Variants in MYO3B observed in about 807,000 individuals in gnomAD.
MYO3B encodes myosin IIIB.
In MYO3B, 156 loss-of-function variants were observed where a neutral mutation model predicts 174.6. That is an observed-to-expected ratio of 0.89 (90% CI 0.78 to 1.02). MYO3B has a LOEUF of 1.02. MYO3B is among the 50% of genes least tolerant of loss of function. The probability of loss-of-function intolerance (pLI) is 0.00; values close to 1 mark genes in which losing one functional copy is unlikely to be tolerated. For synonymous variants in MYO3B, 563 were observed against 569.1 expected, an observed-to-expected ratio of 0.99 and a Z score of 0.15; for missense variants, 1,632 against 1,639.4, an observed-to-expected ratio of 1.00 and a Z score of 0.08.
chr2:170,444,431 T>C (rs1232549808), intron 23 of MYO3B, among the ~76,000 whole-genome samples: 2 of 152,208 alleles, frequency 1.3e-5, no homozygotes, highest in East Asian at 3.8e-4. Context: ...AAAGGAGTTA[T>C]TAGAAGGGTT....
chr2:170,217,239 C>T (rs974851161), intron 5 of MYO3B, 80 bp from the exon 6 acceptor site: 3 of 1,259,372 alleles, frequency 2.4e-6, no homozygotes, highest in Non-Finnish European at 3.5e-6. Context: ...CTTATTTGGC[C>T]TTTGTGGAAA....
At chr2:170,383,612 G>A (rs1479157251) in intron 11 of MYO3B, 98 bp from the exon 12 acceptor site, 2 of 892,106 alleles carry the variant, frequency 2.2e-6, no homozygotes, top group Admixed American at 2.0e-5. Flanking sequence ...AATGCAACAA[G>A]TACCCTAATA....
intron 8 of MYO3B, among the ~76,000 whole-genome samples, chr2:170,362,692 A>G (rs1221023263): frequency 6.6e-6 from 1 of 152,122 alleles, no homozygotes; most frequent in African/African-American, 2.4e-5. Flanking sequence ...CCACTTCCCC[A>G]CCCCAAATGT....
At chr2:170,501,744 T>C (rs576013536) in intron 27 of MYO3B, 41 bp from the exon 28 acceptor site, 4 of 1,400,004 alleles carry the variant, frequency 2.9e-6, no homozygotes, top group Non-Finnish European at 4.0e-6. Context: ...GGCACGTTCT[T>C]AAATTAATGT....
At chr2:170,404,048 T>G (rs2094495137) in intron 19 of MYO3B, among the ~76,000 whole-genome samples, 199 bp from the exon 20 acceptor site, 1 of 152,244 alleles carries the variant, frequency 6.6e-6, no homozygotes, top group Non-Finnish European at 1.5e-5. Context: ...GCTGCTGCCA[T>G]AGGCCACTTG....
intron 22 of MYO3B, among the ~76,000 whole-genome samples, chr2:170,433,819 T>C (rs1041153800): frequency 3.3e-5 from 5 of 152,334 alleles, no homozygotes; most frequent in Non-Finnish European, 1.5e-5. Flanking sequence ...CAAAATTCCT[T>C]ATGACTCTTT....
intron 7 of MYO3B, among the ~76,000 whole-genome samples, chr2:170,254,218 T>C (rs901821790): frequency 2.6e-5 from 4 of 152,034 alleles, no homozygotes; most frequent in Non-Finnish European, 5.9e-5. Context: ...ATGATCCCTA[T>C]AGACATTTAG....
At chr2:170,294,694 G>A (rs1276498959) in intron 7 of MYO3B, among the ~76,000 whole-genome samples, 1 of 152,084 alleles carries the variant, frequency 6.6e-6, no homozygotes, top group Non-Finnish European at 1.5e-5. Context: ...AAACTACCCT[G>A]TATGATACTA....
chr2:170,604,496 T>G (rs140380698), intron 32 of MYO3B, among the ~76,000 whole-genome samples: 24 of 152,252 alleles, frequency 1.6e-4, no homozygotes, highest in African/African-American at 5.8e-4. Flanking sequence ...AAATAAAATT[T>G]ATAATGAAAT....
At chr2:170,228,992 C>T (rs1176944231) in intron 6 of MYO3B, among the ~76,000 whole-genome samples, 1 of 144,696 alleles carries the variant, frequency 6.9e-6, no homozygotes. Context: ...CAACGAATCT[C>T]AAATGTATCC....
chr2:170,283,152 C>T (rs12612480), intron 7 of MYO3B, among the ~76,000 whole-genome samples: 126,210 of 152,022 alleles, frequency 0.83, 52,831 homozygotes, highest in East Asian at 0.96. Context: ...TGGGACCCAG[C>T]GTGAGCTCCT....
intron 7 of MYO3B, among the ~76,000 whole-genome samples, chr2:170,319,410 C>T (rs890022986): frequency 1.3e-5 from 2 of 151,930 alleles, no homozygotes; most frequent in African/African-American, 4.8e-5. Context: ...TGGATCTCAT[C>T]AGATTTGAGA....
intron 32 of MYO3B, among the ~76,000 whole-genome samples, chr2:170,615,039 C>T (rs945129042): frequency 1.3e-5 from 2 of 152,150 alleles, no homozygotes; most frequent in African/African-American, 4.8e-5. Context: ...CTCCCTGCCT[C>T]TCTGTAGCAT....
At position 170,537,569 on chromosome 2, in the gene MYO3B, C is replaced by T. The variant is rs577960638; in HGVS notation, c.3576-5337C>T. 4.7e-5 allele frequency among the ~76,000 whole-genome samples: 7 copies of T among 147,410 alleles called. No homozygotes were observed. In the South Asian group the frequency reaches 1.5e-3, roughly 32 times the overall value. On this transcript the variant is annotated intron_variant, in intron 30 of 34. Transcript: ENST00000408978. The stretch of plus-strand genomic sequence containing the variant: ...CCAGATGATCCTCCCACCCCAGCTT[C>T]CTGAGTAGCTGGGACTACAAGGGCA...
At chr2:170,435,038 T>G (rs960527480) in intron 22 of MYO3B, among the ~76,000 whole-genome samples, 1 of 152,252 alleles carries the variant, frequency 6.6e-6, no homozygotes, top group African/African-American at 2.4e-5. Flanking sequence ...GCTACAGTGT[T>G]ATAAACTGAA....
chr2:170,391,179 C>T (rs2094409221), intron 14 of MYO3B, among the ~76,000 whole-genome samples: 1 of 152,064 alleles, frequency 6.6e-6, no homozygotes, highest in Non-Finnish European at 1.5e-5. Flanking sequence ...TGTCTCTAAG[C>T]TGGACCTCAC....
At chr2:170,534,686 C>T (rs1689573259) in intron 30 of MYO3B, among the ~76,000 whole-genome samples, 1 of 152,198 alleles carries the variant, frequency 6.6e-6, no homozygotes. Context: ...GCAGTCCTCT[C>T]ATCTTGGCCT....
intron 7 of MYO3B, among the ~76,000 whole-genome samples, chr2:170,268,425 A>G (rs1234971414): frequency 6.6e-6 from 1 of 152,236 alleles, no homozygotes; most frequent in Non-Finnish European, 1.5e-5. Flanking sequence ...TGTAAAATCT[A>G]TAGGCCAGAG....
chr2:170,262,965 C>T (rs2093356240), intron 7 of MYO3B, among the ~76,000 whole-genome samples: 2 of 152,100 alleles, frequency 1.3e-5, no homozygotes. Flanking sequence ...ATGATTTTGA[C>T]GTTACCAATG....
Sources: allele counts gnomAD v4.1 joint callset (sites outside exome capture counted in the v4.1 genomes callset), GRCh38; gene constraint gnomAD v4.1.1; transcripts MANE v1.5; gene names NCBI Gene and HGNC (gene_info 2026-07-23, HGNC 2026-07-21).